Variants in SVOP observed in about 807,000 individuals in gnomAD.
The protein encoded by SVOP is synaptic vesicle 2-related protein.
In SVOP, 17 loss-of-function variants were observed where a neutral mutation model predicts 69.1. The ratio of observed to expected loss-of-function variants is 0.25; its 90% CI spans 0.17 to 0.37. The LOEUF is 0.37. Ranked by LOEUF, SVOP falls within the 10% of genes least tolerant of loss-of-function variation. The pLI is 1.00. For missense variants in SVOP, 435 were observed against 597.5 expected (o/e 0.73, Z 2.84); for synonymous variants, 238 against 238.6 (o/e 1.00, Z 0.02).
At chr12:108,974,271 C>T (rs1006444574) in intron 4 of SVOP, among the ~76,000 whole-genome samples, 1 of 152,128 alleles carries the variant, frequency 6.6e-6, no homozygotes, top group Non-Finnish European at 1.5e-5. Context: ...ACATTCCACA[C>T]CACTCATTAA....
At chr12:108,934,427 A>C (rs978211850) in intron 10 of SVOP, among the ~76,000 whole-genome samples, 156 bp from the exon 11 acceptor site, 1 of 152,172 alleles carries the variant, frequency 6.6e-6, no homozygotes, top group African/African-American at 2.4e-5. Flanking sequence ...TTGAGCAAGA[A>C]GATGGTAGGT....
chr12:108,919,067 C>A (rs1593176313), intron 13 of SVOP, among the ~76,000 whole-genome samples: 1 of 150,074 alleles, frequency 6.7e-6, no homozygotes, highest in Admixed American at 6.6e-5. Context: ...CCACACCCTA[C>A]ACCCACACTT....
At chr12:108,992,917 A>G (rs561953036) in intron 1 of SVOP, among the ~76,000 whole-genome samples, 94 of 152,336 alleles carry the variant, frequency 6.2e-4, no homozygotes, top group South Asian at 1.2e-3. Context: ...AGAGCCAGAC[A>G]TGGTGGGGGG....
At chr12:108,933,524 T>C (rs1404163035) in intron 11 of SVOP, among the ~76,000 whole-genome samples, 1 of 148,292 alleles carries the variant, frequency 6.7e-6, no homozygotes, top group Admixed American at 6.8e-5. Flanking sequence ...CTAAAAAAAA[T>C]ACAAAAATTA....
intron 5 of SVOP, among the ~76,000 whole-genome samples, chr12:108,967,267 G>A (rs1305058009): frequency 8.5e-5 from 13 of 152,112 alleles, no homozygotes; most frequent in South Asian, 2.1e-4. Context: ...TTGGGAGGCC[G>A]ATGTGGGCAG....
chr12:108,914,390 G>T (rs1566045717), intron 15 of SVOP, among the ~76,000 whole-genome samples: 1 of 151,974 alleles, frequency 6.6e-6, no homozygotes, highest in Non-Finnish European at 1.5e-5. Context: ...GATTCAAACA[G>T]AAAAAAACCT....
At chr12:109,001,464 A>C (rs1392844083) in intron 1 of SVOP, among the ~76,000 whole-genome samples, 4 of 150,730 alleles carry the variant, frequency 2.7e-5, no homozygotes, top group Non-Finnish European at 5.9e-5. Flanking sequence ...ACTATTTTAA[A>C]GTTCATATGG....
At position 108,914,390 on chromosome 12, in the gene SVOP, G is replaced by GA. The variant is rs760833643; in HGVS notation, c.1440+1392dup. Among the ~76,000 whole-genome samples, 30 of 152,092 alleles carry GA rather than the reference G, an allele frequency of 2.0e-4. 2 individuals are homozygous for GA. The highest frequency in any genetic ancestry group is 7.7e-4 in the East Asian group (4 of 5,178). The stretch of plus-strand genomic sequence containing the variant: ...CCTCAATAAAAAAGTGATTCAAACA[G>GA]AAAAAAACCTGGATTTTCAAAAAGC... On this transcript the variant is annotated intron_variant, in intron 15 of 15. Coordinates refer to ENST00000610966, the MANE Select transcript of SVOP (RefSeq NM_018711.5).
At chr12:108,971,742 C>T (rs921128419) in intron 5 of SVOP, among the ~76,000 whole-genome samples, 4 of 152,056 alleles carry the variant, frequency 2.6e-5, no homozygotes, top group Non-Finnish European at 4.4e-5. Flanking sequence ...GACACTGGAG[C>T]TCAGTCCTGC....
chr12:108,942,963 T>G (rs2039901385), intron 7 of SVOP, among the ~76,000 whole-genome samples: 4 of 152,074 alleles, frequency 2.6e-5, no homozygotes. Flanking sequence ...TTTGCCATGT[T>G]GGCTACGCTG....
intron 13 of SVOP, 117 bp from the exon 14 acceptor site, chr12:108,918,241 G>T (rs377277897): frequency 5.6e-5 from 36 of 648,090 alleles, no homozygotes; most frequent in Non-Finnish European, 8.9e-5. Flanking sequence ...ACCCCTCCCC[G>T]ATGCTCATTG....
intron 6 of SVOP, 86 bp downstream of exon 6, chr12:108,960,837 C>T: frequency 6.8e-7 from 1 of 1,474,802 alleles, no homozygotes; most frequent in African/African-American, 1.4e-5. Flanking sequence ...GCTGCCCCAT[C>T]TCAGCCCCTA....
chr12:108,942,760 T>C (rs1049466589), intron 7 of SVOP, among the ~76,000 whole-genome samples: 1 of 152,234 alleles, frequency 6.6e-6, no homozygotes, highest in African/African-American at 2.4e-5. Flanking sequence ...ATTATTTATT[T>C]ATTTGTTTGT....
intron 6 of SVOP, among the ~76,000 whole-genome samples, chr12:108,954,961 G>A (rs1006538498): frequency 6.6e-6 from 1 of 152,186 alleles, no homozygotes; most frequent in African/African-American, 2.4e-5. Flanking sequence ...AGGCTGCAGT[G>A]AGCCATGATT....
chr12:108,987,972 A>C (rs1382617224), intron 1 of SVOP, among the ~76,000 whole-genome samples: 1 of 152,134 alleles, frequency 6.6e-6, no homozygotes, highest in Non-Finnish European at 1.5e-5. Flanking sequence ...CCCAGGCTGG[A>C]GTGCAGTGGC....
intron 6 of SVOP, among the ~76,000 whole-genome samples, chr12:108,953,133 T>C (rs1333722662): frequency 6.8e-6 from 1 of 147,092 alleles, no homozygotes; most frequent in East Asian, 2.0e-4. Context: ...ATGATCTAAT[T>C]GACTTTTTTT....
intron 1 of SVOP, among the ~76,000 whole-genome samples, chr12:109,009,470 A>AC (rs2040329068): frequency 6.6e-6 from 1 of 151,834 alleles, no homozygotes; most frequent in Non-Finnish European, 1.5e-5. Context: ...TTAAAGAGAG[A>AC]TCTGAAGATG....
rs370018818 is a variant in SVOP at position 109,014,442 on chromosome 12, G to A, written c.35+6392C>T. On this transcript the variant is annotated intron_variant, in intron 1 of 15. Coordinates refer to ENST00000610966, the MANE Select transcript of SVOP (RefSeq NM_018711.5). The stretch of plus-strand genomic sequence containing the variant: ...ACAATGGAATATTATTCATCCATTC[G>A]TCAGTCCATGGGCATGGGTTTTCAT... 2.3e-4 allele frequency among the ~76,000 whole-genome samples: 35 copies of A among 152,118 alleles called. No homozygotes were observed. In the East Asian group the frequency reaches 2.9e-3, roughly 13 times the overall value.
In SVOP at chr12:108,945,137, A is replaced by C. The variant is rs552922952; in HGVS notation, c.608T>G (p.Met203Arg). The stretch of plus-strand genomic sequence containing the variant: ...CAAAATACATTTAGCTCTGGCTTTC[A>C]TGGGAAGGAACTCGGCATACAGCGT... ...SVTLYAEFLP[M>R]KARAKCILLI... Residue 203 changes from methionine (M) to arginine (R), a missense_variant, in exon 7 of 16, where the codon ATG (methionine) becomes AGG (arginine). Physicochemically the swap from Met to Arg is moderately conservative, Grantham distance 91. Coordinates refer to ENST00000610966, the MANE Select transcript of SVOP (RefSeq NM_018711.5). 2.6e-6 allele frequency: 4 copies of C among 1,536,974 alleles called. No individual in the cohort carries two copies. The Admixed American group carries it at 5.9e-5, about 23-fold the overall frequency.
Sources: gnomAD v4.1 joint callset for allele counts (sites outside exome capture counted in the v4.1 genomes callset) on GRCh38, gnomAD v4.1.1 for gene constraint, MANE v1.5 for transcripts, NCBI Gene and HGNC (gene_info 2026-07-23, HGNC 2026-07-21) for gene names.